Variants in DOCK11 observed in about 807,000 individuals in gnomAD.
DOCK11 encodes dedicator of cytokinesis 11.
In DOCK11, 70 loss-of-function variants were observed where a neutral mutation model predicts 169.1. The ratio of observed to expected loss-of-function variants is 0.41; its 90% CI spans 0.34 to 0.51. DOCK11 has a LOEUF of 0.51. Ranked by LOEUF, DOCK11 falls within the 20% of genes least tolerant of loss-of-function variation. The pLI is 0.10. For missense variants in DOCK11, 1,166 were observed against 1,538.8 expected, an observed-to-expected ratio of 0.76 and a Z score of 4.05; for synonymous variants, 529 against 541.3, an observed-to-expected ratio of 0.98 and a Z score of 0.32.
intron 1 of DOCK11, among the ~76,000 whole-genome samples, chrX:118,522,321 A>C (rs2011284942): frequency 9.0e-6 from 1 of 111,443 alleles, no homozygotes; most frequent in Non-Finnish European, 1.9e-5. Flanking sequence ...TTGTCTAAAA[A>C]AAAAAAGCAT....
At chrX:118,641,372 T>C in intron 39 of DOCK11, 67 bp downstream of exon 39, 1 of 796,356 alleles carries the variant, frequency 1.3e-6, no homozygotes, top group South Asian at 2.3e-5. Context: ...AATTACCTAG[T>C]CAATGTGGGG....
At chrX:118,616,994 A>G (rs2014833721) in intron 30 of DOCK11, among the ~76,000 whole-genome samples, 1 of 112,201 alleles carries the variant, frequency 8.9e-6, no homozygotes, top group Non-Finnish European at 1.9e-5. Flanking sequence ...AAGTCAGGAA[A>G]AAGAAGAGGT....
chrX:118,600,604 TAATA>T (rs998427290), intron 23 of DOCK11, among the ~76,000 whole-genome samples: 9 of 110,738 alleles, frequency 8.1e-5, no homozygotes, highest in African/African-American at 2.3e-4. Flanking sequence ...ACACATAAGT[TAATA>T]AATATATACG....
Position 118,600,421 on chromosome X carries a change from A to AAAAAAG in DOCK11, c.2562+1196_2562+1197insAAGAAA, listed in dbSNP as rs779371070. 5.4e-4 allele frequency among the ~76,000 whole-genome samples: 57 copies of AAAAAAG among 105,535 alleles called. 1 individual carries two copies. The highest frequency in any genetic ancestry group is 3.3e-3 in the East Asian group (11 of 3,348). The allele number at this position is 105,535 out of a possible 115,157, so 91.6% of individuals were successfully genotyped here. A position where few individuals can be genotyped will look rare whatever the true frequency, so the allele number is the denominator to read the frequency against. Reference sequence around the variant, plus strand: ...TTTTCTTTTTTTTTAAAAAAAAAAAAAAAGAAAAAAGAAAAAGATTAGGGC... The same window carrying AAAAAAG: ...TTTTCTTTTTTTTTAAAAAAAAAAAAAAAAAGAAAGAAAAAAGAAAAAGATTAGGGC... On this transcript the variant is annotated intron_variant, in intron 23 of 52. Transcript: ENST00000276202.
At chrX:118,616,433 C>G (rs2014814210) in intron 30 of DOCK11, among the ~76,000 whole-genome samples, 1 of 111,626 alleles carries the variant, frequency 9.0e-6, no homozygotes. Context: ...CTGAGTGTTG[C>G]TAGAGAAATC....
At chrX:118,550,045 G>A (rs569259828) in intron 6 of DOCK11, among the ~76,000 whole-genome samples, 2 of 112,090 alleles carry the variant, frequency 1.8e-5, no homozygotes, top group Admixed American at 1.9e-4. Context: ...CATAGCAGTA[G>A]TGTTGTATTT....
At chrX:118,630,546 C>A in intron 35 of DOCK11, 56 bp downstream of exon 35, 1 of 739,802 alleles carries the variant, frequency 1.4e-6, no homozygotes, top group Non-Finnish European at 2.0e-6. Context: ...CTCACAGGTT[C>A]ACAAATTCAT....
chrX:118,614,114 A>C lies in DOCK11; in HGVS notation c.3097-578A>C, dbSNP rs961175495. 3.6e-5 allele frequency among the ~76,000 whole-genome samples: 4 copies of C among 111,905 alleles called. No individual in the cohort carries two copies. The South Asian group carries it at 1.5e-3, about 42-fold the overall frequency. On this transcript the variant is annotated intron_variant, in intron 28 of 52. Coordinates refer to ENST00000276202, the MANE Select transcript of DOCK11 (RefSeq NM_144658.4). ...AACTGCAGTTTTTCAGTTGCAAGGT[A>C]GTGAGAGCCTTAACTAGGACAATGA... is the stretch of plus-strand genomic sequence containing the variant.
rs1379641028 is a variant in DOCK11, at chrX:118,542,925, G to C, written c.220-1G>C. 3.3e-6 allele frequency: 4 copies of C among 1,210,372 alleles called. No homozygotes were observed. The highest frequency in any genetic ancestry group is 4.5e-6 in the Non-Finnish European group (4 of 894,634). ...CAGCAAAAATGTTCTTTGTGTTCTAGATCTCGGTGATAGGTCGTCAACGCA... is the reference window on the plus strand; with the variant it reads ...CAGCAAAAATGTTCTTTGTGTTCTACATCTCGGTGATAGGTCGTCAACGCA... On this transcript the variant is annotated splice_acceptor_variant, in intron 2 of 52. Coordinates refer to ENST00000276202, the MANE Select transcript of DOCK11 (RefSeq NM_144658.4). LOFTEE classifies it high-confidence loss of function.
intron 48 of DOCK11, among the ~76,000 whole-genome samples, chrX:118,678,898 G>A (rs1015736382): frequency 9.0e-6 from 1 of 110,553 alleles, no homozygotes; most frequent in African/African-American, 3.3e-5. Context: ...AGCCTCTTGA[G>A]TAGCTGGGAC....
At chrX:118,590,697 A>G (rs1246134977) in intron 19 of DOCK11, among the ~76,000 whole-genome samples, 1 of 111,839 alleles carries the variant, frequency 8.9e-6, no homozygotes, top group Non-Finnish European at 1.9e-5. Context: ...CTTTCCCCTT[A>G]TGGTTTTACA....
At chrX:118,607,208 TG>T (rs1418582086) in intron 24 of DOCK11, among the ~76,000 whole-genome samples, 1 of 96,022 alleles carries the variant, frequency 1.0e-5, no homozygotes. Flanking sequence ...CTCTGCCTCC[TG>T]GGGTTCAAGC....
At position 118,592,775 on chromosome X, in the gene DOCK11, G is replaced by A. The variant is rs752671460; in HGVS notation, c.2140-439G>A. 2.7e-5 allele frequency among the ~76,000 whole-genome samples: 3 copies of A among 112,127 alleles called. No individual in the cohort carries two copies. The South Asian group carries it at 1.1e-3, about 41-fold the overall frequency. ...TACTATAAGACCATCGTTACTTTTT[G>A]CATATTTATTTGTAATGGCTTAATT... On this transcript the variant is annotated intron_variant, in intron 19 of 52. Transcript: ENST00000276202.
intron 45 of DOCK11, among the ~76,000 whole-genome samples, chrX:118,670,313 A>T (rs2016437521): frequency 8.9e-6 from 1 of 111,759 alleles, no homozygotes; most frequent in East Asian, 2.8e-4. Context: ...AGCTGTTATG[A>T]CTTACGGGTA....
At chrX:118,658,215 C>A (rs1943625205) in intron 44 of DOCK11, among the ~76,000 whole-genome samples, 1 of 112,148 alleles carries the variant, frequency 8.9e-6, no homozygotes, top group Non-Finnish European at 1.9e-5. Flanking sequence ...AGGGAAGGAG[C>A]ATTAGAGTAT....
intron 40 of DOCK11, among the ~76,000 whole-genome samples, chrX:118,647,971 TATATATA>T (rs1235553281): frequency 5.3e-5 from 2 of 37,766 alleles, no homozygotes; most frequent in African/African-American, 2.1e-4. Flanking sequence ...AATATATAAT[TATATATA>T]ATATATAATA....
At chrX:118,594,259 C>T (rs768899344) in intron 20 of DOCK11, among the ~76,000 whole-genome samples, 7 of 112,070 alleles carry the variant, frequency 6.2e-5, no homozygotes, top group African/African-American at 1.6e-4. Flanking sequence ...AAGCACTTTA[C>T]GAACATCAGC....
chrX:118,664,962 GA>G (rs2016305504), intron 45 of DOCK11, among the ~76,000 whole-genome samples: 1 of 112,264 alleles, frequency 8.9e-6, no homozygotes, highest in Non-Finnish European at 1.9e-5. Flanking sequence ...TTTATGAATT[GA>G]TTTTTTAAAA....
intron 44 of DOCK11, among the ~76,000 whole-genome samples, chrX:118,658,886 A>C (rs1371880440): frequency 9.0e-6 from 1 of 111,364 alleles, no homozygotes; most frequent in African/African-American, 3.3e-5. Flanking sequence ...TCACCACCAA[A>C]TAGCATCCTA....
Sources: allele counts gnomAD v4.1 joint callset (sites outside exome capture counted in the v4.1 genomes callset), GRCh38; gene constraint gnomAD v4.1.1; transcripts MANE v1.5; gene names NCBI Gene and HGNC (gene_info 2026-07-23, HGNC 2026-07-21).